ST7: variants seen among roughly 807,000 people sequenced by gnomAD.
The protein encoded by ST7 is suppression of tumorigenicity 7, also known as suppressor of tumorigenicity 7 protein.
ST7 carries 28 observed loss-of-function variants against 78.7 expected under a neutral mutation model. The observed-to-expected ratio is 0.36, with a 90% CI of 0.26 to 0.49. The LOEUF is 0.49. Ranked by LOEUF, ST7 falls within the 20% of genes least tolerant of loss-of-function variation. The probability of loss-of-function intolerance (pLI) is 0.99; values close to 1 mark genes in which losing one functional copy is unlikely to be tolerated. For synonymous variants in ST7, 247 were observed against 249.6 expected, an observed-to-expected ratio of 0.99 and a Z score of 0.10; for missense variants, 418 against 696.0, an observed-to-expected ratio of 0.60 and a Z score of 4.49.
In ST7 at chr7:117,086,324, T is replaced by C. The variant is rs1473437272; in HGVS notation, c.152-13438T>C. On this transcript the variant is annotated intron_variant, in intron 1 of 15. Coordinates refer to ENST00000323984, the MANE Select transcript of ST7 (RefSeq NM_001369598.1). The stretch of plus-strand genomic sequence containing the variant: ...TGGCACAGGATTTCTTAGAGTGAGG[T>C]TGACTGACTCATTCAAACCTAGGAC... 2.6e-5 allele frequency among the ~76,000 whole-genome samples: 4 copies of C among 152,164 alleles called. No individual in the cohort carries two copies. In the East Asian group the frequency reaches 7.7e-4, roughly 29 times the overall value.
intron 1 of ST7, among the ~76,000 whole-genome samples, chr7:117,032,490 C>CTA (rs1796655059): frequency 6.6e-6 from 1 of 152,098 alleles, no homozygotes; most frequent in Admixed American, 6.6e-5. Context: ...TCTAATAAAT[C>CTA]TATGGATCCT....
intron 1 of ST7, among the ~76,000 whole-genome samples, chr7:117,020,899 A>G (rs1239392443): frequency 2.0e-5 from 3 of 152,146 alleles, no homozygotes; most frequent in African/African-American, 7.2e-5. Flanking sequence ...GTGTTAATTG[A>G]TGGGATCAGG....
chr7:116,966,897 A>C (rs1793146459), intron 1 of ST7, among the ~76,000 whole-genome samples: 2 of 152,178 alleles, frequency 1.3e-5, no homozygotes, highest in African/African-American at 4.8e-5. Flanking sequence ...TTGCAGCACA[A>C]TGTTGTATGC....
At chr7:117,184,810 C>T (rs1484764490) in intron 10 of ST7, among the ~76,000 whole-genome samples, 3 of 152,062 alleles carry the variant, frequency 2.0e-5, no homozygotes, top group Non-Finnish European at 4.4e-5. Context: ...TAATAGTACT[C>T]TAGCAATGTC....
intron 12 of ST7, among the ~76,000 whole-genome samples, chr7:117,200,969 G>A (rs576184450): frequency 6.6e-6 from 1 of 152,084 alleles, no homozygotes; most frequent in East Asian, 1.9e-4. Context: ...TTATAGTGAT[G>A]GAAATTCTAT....
intron 12 of ST7, among the ~76,000 whole-genome samples, chr7:117,193,935 A>G (rs117798770): frequency 0.01 from 1,555 of 152,358 alleles, 14 homozygotes; most frequent in Middle Eastern, 0.02. Flanking sequence ...TCACCATCCA[A>G]TGATAAATAC....
chr7:117,003,447 A>G (rs1244331324), intron 1 of ST7, among the ~76,000 whole-genome samples: 1 of 151,646 alleles, frequency 6.6e-6, no homozygotes, highest in Non-Finnish European at 1.5e-5. Flanking sequence ...ACAGGCGCAC[A>G]CCACCACACC....
intron 1 of ST7, among the ~76,000 whole-genome samples, chr7:116,984,432 C>T (rs1440523016): frequency 6.6e-6 from 1 of 152,126 alleles, no homozygotes; most frequent in East Asian, 1.9e-4. Flanking sequence ...TACAATAGCG[C>T]ATCTCTCTTT....
chr7:117,157,394 G>C (rs1481665757), intron 9 of ST7, among the ~76,000 whole-genome samples: 1 of 152,214 alleles, frequency 6.6e-6, no homozygotes, highest in Non-Finnish European at 1.5e-5. Context: ...TTCCAGGAGG[G>C]TTCAGTGGAA....
intron 2 of ST7, among the ~76,000 whole-genome samples, chr7:117,110,431 C>T (rs558931852): frequency 7.2e-5 from 11 of 152,162 alleles, no homozygotes; most frequent in Non-Finnish European, 1.2e-4. Flanking sequence ...TCTTCCCCAC[C>T]GTACAACAGG....
chr7:117,118,948 G>A (rs1803135527), intron 2 of ST7, among the ~76,000 whole-genome samples: 1 of 152,220 alleles, frequency 6.6e-6, no homozygotes, highest in Admixed American at 6.5e-5. Flanking sequence ...TACAACAGAT[G>A]CTTGTGTTTA....
chr7:116,953,956 G>A (rs1457212686), intron 1 of ST7: 3 of 151,628 alleles, frequency 2.0e-5, no homozygotes, highest in African/African-American at 2.4e-5. Context: ...GGGCCGGGCC[G>A]GCAGCCGCCC....
chr7:117,031,187 A>G (rs1344127748), intron 1 of ST7, among the ~76,000 whole-genome samples: 1 of 151,950 alleles, frequency 6.6e-6, no homozygotes, highest in Non-Finnish European at 1.5e-5. Context: ...GGCCTACTTG[A>G]AGGAGGAGGG....
intron 1 of ST7, among the ~76,000 whole-genome samples, chr7:117,061,810 A>C (rs1798371349): frequency 1.3e-5 from 2 of 152,222 alleles, no homozygotes; most frequent in Non-Finnish European, 2.9e-5. Flanking sequence ...TGTCACTTGG[A>C]AAATTAATAT....
At chr7:116,992,362 C>T (rs868586289) in intron 1 of ST7, among the ~76,000 whole-genome samples, 5 of 151,494 alleles carry the variant, frequency 3.3e-5, no homozygotes, top group Admixed American at 1.3e-4. Context: ...TACGTGGTTT[C>T]CCAAACCCCA....
At chr7:117,200,303 A>G (rs1810699280) in intron 12 of ST7, among the ~76,000 whole-genome samples, 1 of 152,088 alleles carries the variant, frequency 6.6e-6, no homozygotes, top group Admixed American at 6.6e-5. Flanking sequence ...TCAGAAAATA[A>G]CAGATGGGTG....
Position 117,170,996 on chromosome 7 carries a change from T to C in ST7, c.1078+20T>C, listed in dbSNP as rs1807945183. On this transcript the variant is annotated intron_variant, in intron 10 of 15. Transcript: ENST00000323984. The stretch of plus-strand genomic sequence containing the variant: ...ATGATGGTAAGTTCTTGGGTATTTT[T>C]ATTTACTTGACTATTCCTCTTTTGA... 2 of 1,493,504 alleles carry C rather than the reference T, an allele frequency of 1.3e-6. No homozygotes were observed. Among genetic ancestry groups the C allele is most frequent in the Non-Finnish European group, 1.8e-6 (2 of 1,082,896 alleles). 92.5% of individuals were successfully genotyped at this position (1,493,504 alleles called of 1,614,324 possible).
chr7:117,046,564 C>T lies in ST7; in HGVS notation c.152-53198C>T, dbSNP rs570905318. Among the ~76,000 whole-genome samples, 4 of 152,252 alleles carry T rather than the reference C, an allele frequency of 2.6e-5. 1 individual carries two copies. The highest frequency in any genetic ancestry group is 9.6e-5 in the African/African-American group (4 of 41,540). On this transcript the variant is annotated intron_variant, in intron 1 of 15. Transcript: ENST00000323984. ...CACACAGTACCACCTGTTATTCCTA[C>T]ACTGTGTTCCAGTTAGTCTACCAGA...
At chr7:117,012,283 A>ATTTT (rs201580835) in intron 1 of ST7, among the ~76,000 whole-genome samples, 3 of 142,356 alleles carry the variant, frequency 2.1e-5, no homozygotes, top group Non-Finnish European at 3.1e-5. Context: ...GTTTTTTGAA[A>ATTTT]TTTTTTTTTT....
Sources: allele counts gnomAD v4.1 joint callset (sites outside exome capture counted in the v4.1 genomes callset), GRCh38; gene constraint gnomAD v4.1.1; transcripts MANE v1.5; gene names NCBI Gene and HGNC (gene_info 2026-07-23, HGNC 2026-07-21).